Variants in PTPN2 observed in about 807,000 individuals in gnomAD.
The protein encoded by PTPN2 is tyrosine-protein phosphatase non-receptor type 2.
In PTPN2, 19 loss-of-function variants were observed where a neutral mutation model predicts 57.3. That is an observed-to-expected ratio of 0.33 (90% CI 0.23 to 0.49). The LOEUF (loss-of-function observed/expected upper bound fraction) is 0.49, where lower values mean the gene tolerates loss of function less well. Among genes scored for constraint, PTPN2 ranks in the 20% least tolerant of loss-of-function variants. The pLI is 0.99. For synonymous variants in PTPN2, 153 were observed against 164.9 expected, an observed-to-expected ratio of 0.93 and a Z score of 0.55; for missense variants, 358 against 501.1, an observed-to-expected ratio of 0.71 and a Z score of 2.73.
intron 7 of PTPN2, among the ~76,000 whole-genome samples, chr18:12,811,556 G>A (rs1435246681): frequency 1.3e-5 from 2 of 152,106 alleles, no homozygotes; most frequent in East Asian, 1.9e-4. Context: ...ATTTTGCCAT[G>A]GCTATGTTCA....
intron 8 of PTPN2, among the ~76,000 whole-genome samples, chr18:12,796,679 A>G (rs1463466013): frequency 6.6e-6 from 1 of 152,136 alleles, no homozygotes; most frequent in Non-Finnish European, 1.5e-5. Context: ...ACGCTTGCCA[A>G]TATTCTCCTG....
At chr18:12,843,471 T>G (rs2043112548) in intron 2 of PTPN2, among the ~76,000 whole-genome samples, 1 of 152,188 alleles carries the variant, frequency 6.6e-6, no homozygotes, top group African/African-American at 2.4e-5. Flanking sequence ...CGAGTACAGC[T>G]GACTGTCCTG....
intron 7 of PTPN2, among the ~76,000 whole-genome samples, chr18:12,813,596 C>T (rs2041970370): frequency 6.6e-6 from 1 of 152,130 alleles, no homozygotes; most frequent in Non-Finnish European, 1.5e-5. Context: ...TTATATTATG[C>T]ATCAACTTAC....
chr18:12,814,136 A>G, intron 7 of PTPN2, 67 bp downstream of exon 7: 2 of 1,162,300 alleles, frequency 1.7e-6, no homozygotes, highest in Non-Finnish European at 2.5e-6. Context: ...GCTCAAGTGG[A>G]GTGCAGTTAT....
intron 1 of PTPN2, among the ~76,000 whole-genome samples, chr18:12,878,783 G>A (rs1166722235): frequency 6.6e-6 from 1 of 152,120 alleles, no homozygotes; most frequent in Non-Finnish European, 1.5e-5. Context: ...GGAGTTTAAG[G>A]TTGCAGTGAG....
chr18:12,868,690 T>G (rs193084362), intron 1 of PTPN2, among the ~76,000 whole-genome samples: 2 of 149,654 alleles, frequency 1.3e-5, no homozygotes, highest in East Asian at 4.2e-4. Context: ...TTCCAGCACT[T>G]TGGGAGGCTG....
intron 2 of PTPN2, among the ~76,000 whole-genome samples, chr18:12,852,410 TTTCA>T (rs1462815973): frequency 1.3e-5 from 2 of 152,224 alleles, no homozygotes; most frequent in African/African-American, 2.4e-5. Flanking sequence ...GCTACTCTCT[TTTCA>T]AACAACGAAG....
At chr18:12,828,116 A>G (rs1386918746) in intron 4 of PTPN2, among the ~76,000 whole-genome samples, 1 of 151,764 alleles carries the variant, frequency 6.6e-6, no homozygotes, top group Non-Finnish European at 1.5e-5. Context: ...AAGGAAATGG[A>G]AAAAAAAAGT....
chr18:12,853,553 A>T (rs1042990362), intron 2 of PTPN2, among the ~76,000 whole-genome samples: 1 of 152,196 alleles, frequency 6.6e-6, no homozygotes, highest in African/African-American at 2.4e-5. Context: ...AGTGAACGAG[A>T]ACCACCACCT....
chr18:12,861,568 C>T (rs2043809134), intron 1 of PTPN2, among the ~76,000 whole-genome samples: 1 of 152,094 alleles, frequency 6.6e-6, no homozygotes, highest in Non-Finnish European at 1.5e-5. Context: ...TTGTAGTTTT[C>T]TTCATAAAGG....
At chr18:12,825,662 G>A (rs1457452240) in intron 5 of PTPN2, 148 bp downstream of exon 5, 1 of 615,258 alleles carries the variant, frequency 1.6e-6, no homozygotes, top group Non-Finnish European at 2.6e-6. Context: ...ACTAGATGCA[G>A]ACACACAATC....
intron 2 of PTPN2, among the ~76,000 whole-genome samples, chr18:12,848,163 TCTG>T (rs991646514): frequency 2.0e-5 from 3 of 152,214 alleles, no homozygotes; most frequent in African/African-American, 7.2e-5. Context: ...TTTATCTAAA[TCTG>T]CTATTACTAA....
chr18:12,853,029 G>T (rs1030192933), intron 2 of PTPN2, among the ~76,000 whole-genome samples: 1 of 152,152 alleles, frequency 6.6e-6, no homozygotes, highest in African/African-American at 2.4e-5. Flanking sequence ...ATGCTTATGT[G>T]TTAATCTCCT....
intron 3 of PTPN2, 111 bp downstream of exon 3, chr18:12,836,680 A>G (rs1598819748): frequency 1.5e-6 from 1 of 670,490 alleles, no homozygotes; most frequent in East Asian, 2.8e-5. Flanking sequence ...AAAAAACTGA[A>G]ATACCATTTC....
At chr18:12,812,458 G>A (rs774199692) in intron 7 of PTPN2, among the ~76,000 whole-genome samples, 1 of 152,148 alleles carries the variant, frequency 6.6e-6, no homozygotes, top group South Asian at 2.1e-4. Context: ...AATTAGCCAG[G>A]AGTGGTGGCA....
chr18:12,868,452 C>T lies in PTPN2; in HGVS notation c.70-9198G>A, dbSNP rs571979275. Reference sequence around the variant, plus strand: ...GTATTTTTTAGTAGAGACAGGGTCTCACCATGTTAGCCAGGCTTGTCTTGA... The same window carrying T: ...GTATTTTTTAGTAGAGACAGGGTCTTACCATGTTAGCCAGGCTTGTCTTGA... On this transcript the variant is annotated intron_variant, in intron 1 of 8. Coordinates refer to ENST00000309660, the MANE Select transcript of PTPN2 (RefSeq NM_002828.4). Among the ~76,000 whole-genome samples, 60 of 152,000 alleles carry T rather than the reference C, an allele frequency of 3.9e-4. 1 individual carries two copies. In the South Asian group the frequency reaches 4.0e-3, roughly 10 times the overall value.
chr18:12,826,725 C>T (rs2042475182), intron 4 of PTPN2, among the ~76,000 whole-genome samples: 1 of 152,016 alleles, frequency 6.6e-6, no homozygotes, highest in African/African-American at 2.4e-5. Context: ...TCTGCCACCA[C>T]ACCCAGCTAA....
chr18:12,859,113 T>A (rs2043699830), intron 2 of PTPN2, 51 bp downstream of exon 2: 1 of 1,419,794 alleles, frequency 7.0e-7, no homozygotes, highest in African/African-American at 1.4e-5. Context: ...ACATCCTGCC[T>A]CCTAAAACAA....
At chr18:12,883,766 C>A (rs1381920509) in intron 1 of PTPN2, 1 of 272,978 alleles carries the variant, frequency 3.7e-6, no homozygotes, top group Non-Finnish European at 6.9e-6. Flanking sequence ...CCGGGCCGCG[C>A]AACGCTGGTG....
Sources: allele counts gnomAD v4.1 joint callset (sites outside exome capture counted in the v4.1 genomes callset), GRCh38; gene constraint gnomAD v4.1.1; transcripts MANE v1.5; gene names NCBI Gene and HGNC (gene_info 2026-07-23, HGNC 2026-07-21).